Variants in PITPNM2 observed in about 807,000 individuals in gnomAD.
PITPNM2 encodes the protein membrane-associated phosphatidylinositol transfer protein 2.
In PITPNM2, 35 loss-of-function variants were observed where a neutral mutation model predicts 132.2. That is an observed-to-expected ratio of 0.26 (90% confidence interval 0.20 to 0.35). PITPNM2 has a LOEUF of 0.35. Among genes scored for constraint, PITPNM2 ranks in the 10% least tolerant of loss-of-function variants. The pLI is 1.00. For synonymous variants in PITPNM2, 738 were observed against 799.2 expected (o/e 0.92, Z 1.29); for missense variants, 1,332 against 1,912.0 (o/e 0.70, Z 5.66).
At chr12:123,038,820 C>G (rs1384897019) in intron 2 of PITPNM2, among the ~76,000 whole-genome samples, 2 of 152,018 alleles carry the variant, frequency 1.3e-5, no homozygotes, top group Non-Finnish European at 2.9e-5. Flanking sequence ...AATTACCTGG[C>G]CGGGCACGGT....
intron 1 of PITPNM2, among the ~76,000 whole-genome samples, chr12:123,147,428 T>G (rs2043640019): frequency 6.6e-6 from 1 of 152,136 alleles, no homozygotes; most frequent in Admixed American, 6.6e-5. Context: ...GATCCTCCCA[T>G]CTCAGCTACA....
At chr12:123,032,365 T>C (rs757685942) in intron 3 of PITPNM2, among the ~76,000 whole-genome samples, 2 of 152,136 alleles carry the variant, frequency 1.3e-5, no homozygotes, top group African/African-American at 2.4e-5. Context: ...TAATCCCAGC[T>C]ACTCCGGAGG....
chr12:123,027,623 T>C (rs889217173), intron 3 of PITPNM2, among the ~76,000 whole-genome samples: 1 of 152,200 alleles, frequency 6.6e-6, no homozygotes, highest in Admixed American at 6.5e-5. Context: ...GTTCTGATCA[T>C]TTGCTGGACA....
At chr12:123,114,916 C>G (rs1566299535) in intron 1 of PITPNM2, among the ~76,000 whole-genome samples, 3 of 152,208 alleles carry the variant, frequency 2.0e-5, no homozygotes. Flanking sequence ...AAGGCACCTC[C>G]CAGGCACAGT....
chr12:123,053,851 G>A (rs1004362475), intron 2 of PITPNM2, among the ~76,000 whole-genome samples: 5 of 151,986 alleles, frequency 3.3e-5, no homozygotes, highest in Non-Finnish European at 5.9e-5. Flanking sequence ...TACAGGCAGT[G>A]ACATCTTACA....
intron 3 of PITPNM2, among the ~76,000 whole-genome samples, chr12:123,033,697 T>A (rs2040171555): frequency 6.6e-6 from 1 of 151,808 alleles, no homozygotes; most frequent in African/African-American, 2.4e-5. Context: ...TAGAATGGGG[T>A]GTTATGGACT....
At chr12:123,089,045 G>A (rs1274809651) in intron 2 of PITPNM2, 1 of 152,112 alleles carries the variant, frequency 6.6e-6, no homozygotes, top group Non-Finnish European at 1.5e-5. Context: ...CGAGTCCCCG[G>A]CTAATTTGTA....
Position 123,099,528 on chromosome 12 carries a change from T to C in PITPNM2, c.-96+10857A>G, listed in dbSNP as rs535417069. ...CACTGGCAGACTTCCCACAAGCTCC[T>C]GGTCTGAACATCATCTCCTTCCACA... On this transcript the variant is annotated intron_variant, in intron 2 of 25. Transcript: ENST00000320201. The surrounding 1 kb of genome is among the most constrained non-coding windows in gnomAD (Gnocchi z 4.2). 1.3e-5 allele frequency among the ~76,000 whole-genome samples: 2 copies of C among 152,340 alleles called. No homozygotes were observed. Among genetic ancestry groups the C allele is most frequent in the East Asian group, 3.9e-4 (2 of 5,184 alleles).
chr12:123,149,583 G>T (rs2043686001), intron 1 of PITPNM2, among the ~76,000 whole-genome samples: 1 of 152,234 alleles, frequency 6.6e-6, no homozygotes, highest in South Asian at 2.1e-4. Context: ...GGAGACCAGA[G>T]ATGAATCAAC....
rs1294588786 is a variant in PITPNM2, at chr12:123,009,426, C to T, written c.643+424G>A. On this transcript the variant is annotated intron_variant, in intron 6 of 25. Transcript: ENST00000320201. The surrounding 1 kb of genome is among the most constrained non-coding windows in gnomAD (Gnocchi z 4.8). ...TTCCAGCCCAGTGAGGGAGGCTGAG[C>T]TGTGGCCCTGGGTTCTGGGCCTCCT... Among the ~76,000 whole-genome samples the T allele has an allele frequency of 6.6e-6, 1 of 152,182 alleles. No individual in the cohort carries two copies. The highest frequency in any genetic ancestry group is 1.5e-5 in the Non-Finnish European group (1 of 68,010).
At chr12:123,133,375 C>A (rs762982995) in intron 1 of PITPNM2, among the ~76,000 whole-genome samples, 1 of 152,168 alleles carries the variant, frequency 6.6e-6, no homozygotes, top group East Asian at 1.9e-4. Context: ...TCAGGAAAAT[C>A]CAATTCTAGT....
chr12:123,101,872 A>T (rs1384689887), intron 2 of PITPNM2, among the ~76,000 whole-genome samples: 1 of 152,228 alleles, frequency 6.6e-6, no homozygotes, highest in Non-Finnish European at 1.5e-5. Context: ...AGCCCAGGCA[A>T]CATAGCGAGA....
rs1023360348 is a variant in PITPNM2 at position 123,009,757 on chromosome 12, A to C, written c.643+93T>G. On this transcript the variant is annotated intron_variant, in intron 6 of 25. Coordinates refer to ENST00000320201, the MANE Select transcript of PITPNM2 (RefSeq NM_020845.3). The surrounding 1 kb of genome is among the most constrained non-coding windows in gnomAD (Gnocchi z 4.8). ...AAAACAGAAACGCAGACTCCCAGGC[A>C]GACATGCAAAGAGAGGAGGCAGACA... 2.7e-5 allele frequency: 32 copies of C among 1,206,670 alleles called. No homozygotes were observed. The highest frequency in any genetic ancestry group is 3.6e-5 in the Non-Finnish European group (30 of 823,630). The allele number at this position is 1,206,670 out of a possible 1,614,324, so 74.7% of individuals were successfully genotyped here. A position where few individuals can be genotyped will look rare whatever the true frequency, so the allele number is the denominator to read the frequency against.
At chr12:122,988,052 T>C in intron 20 of PITPNM2, 151 bp from the exon 21 acceptor site, 1 of 929,350 alleles carries the variant, frequency 1.1e-6, no homozygotes, top group Non-Finnish European at 1.7e-6. Flanking sequence ...TGACGTGGCT[T>C]TGGAGAAACT....
intron 1 of PITPNM2, among the ~76,000 whole-genome samples, chr12:123,132,929 C>T (rs1007111774): frequency 3.9e-5 from 6 of 152,224 alleles, no homozygotes; most frequent in Non-Finnish European, 7.3e-5. Flanking sequence ...GAACAGACCA[C>T]GTTCTGTTTA....
In PITPNM2 at chr12:123,082,916, C is replaced by T. The variant is rs1035145638; in HGVS notation, c.-96+27469G>A. On this transcript the variant is annotated intron_variant, in intron 2 of 25. Transcript: ENST00000320201. This position sits in a 1 kb window ranked among gnomAD's most constrained non-coding sequence, Gnocchi z 5.4. ...CAGCACTCACTGTTCTACTGTCTGT[C>T]GCTGTGCATTTGACAACTCTAGGGA... is the stretch of plus-strand genomic sequence containing the variant. The T allele has an allele frequency of 6.6e-5, 10 of 152,280 alleles. No individual in the cohort carries two copies. Among genetic ancestry groups the T allele is most frequent in the African/African-American group, 2.4e-4 (10 of 41,446 alleles). 9.4% of individuals were successfully genotyped at this position (152,280 alleles called of 1,614,324 possible).
intron 3 of PITPNM2, among the ~76,000 whole-genome samples, chr12:123,016,882 A>G (rs1315433193): frequency 6.6e-6 from 1 of 151,254 alleles, no homozygotes; most frequent in Non-Finnish European, 1.5e-5. Flanking sequence ...TGTCTCTACT[A>G]AAAAAATACA....
In PITPNM2 at chr12:122,993,074, A is replaced by G. The variant is rs192570728; in HGVS notation, c.2234-405T>C. Among the ~76,000 whole-genome samples, 5 of 152,212 alleles carry G rather than the reference A, an allele frequency of 3.3e-5. No homozygotes were observed. In the East Asian group the frequency reaches 5.8e-4, roughly 18 times the overall value. ...ACTCCTGGACTCAAGTGATCCTCCC[A>G]CCTGGGCCTCCCAAAGTGCTGGGAT... On this transcript the variant is annotated intron_variant, in intron 15 of 25. Transcript: ENST00000320201. The surrounding 1 kb of genome is among the most constrained non-coding windows in gnomAD (Gnocchi z 5.2).
chr12:123,014,091 C>T (rs1368296897), intron 3 of PITPNM2, 49 bp from the exon 4 acceptor site: 2 of 1,600,760 alleles, frequency 1.2e-6, no homozygotes, highest in Non-Finnish European at 1.7e-6. Context: ...GAGCACTCTT[C>T]AGGAGGGAAG....
Sources: allele counts gnomAD v4.1 joint callset (sites outside exome capture counted in the v4.1 genomes callset), GRCh38; gene constraint gnomAD v4.1.1; non-coding constraint Gnocchi (gnomAD v3.1); transcripts MANE v1.5; gene names NCBI Gene and HGNC (gene_info 2026-07-23, HGNC 2026-07-21).